SMG5: variants seen among roughly 807,000 people sequenced by gnomAD.
SMG5 encodes SMG5 nonsense mediated mRNA decay factor.
In SMG5, 53 loss-of-function variants were observed where a neutral mutation model predicts 122.9. That is an observed-to-expected ratio of 0.43 (90% confidence interval 0.35 to 0.54). SMG5 has a LOEUF of 0.54. Ranked by LOEUF, SMG5 falls within the 20% of genes least tolerant of loss-of-function variation. The probability of loss-of-function intolerance (pLI) is 0.01; values close to 1 mark genes in which losing one functional copy is unlikely to be tolerated. For missense variants in SMG5, 1,153 were observed against 1,285.6 expected, an observed-to-expected ratio of 0.90 and a Z score of 1.58; for synonymous variants, 477 against 490.2, an observed-to-expected ratio of 0.97 and a Z score of 0.35.
At chr1:156,252,874 C>T in intron 18 of SMG5, 45 bp downstream of exon 18, 1 of 1,478,892 alleles carries the variant, frequency 6.8e-7, no homozygotes, top group Middle Eastern at 1.8e-4. Context: ...AGCCCAGAAT[C>T]TCTTTTAGTC....
Position 156,278,668 on chromosome 1 carries a change from C to T in SMG5, c.173+268G>A, listed in dbSNP as rs142699308. Among the ~76,000 whole-genome samples the T allele has an allele frequency of 5.6e-3, 851 of 152,150 alleles. 11 individuals are homozygous for T. The highest frequency in any genetic ancestry group is 0.02 in the African/African-American group (816 of 41,508). ...AAACGTGAGCCACTGTGCCCTGCCT[C>T]GAATGCCATTCTTTTTATTTTATTT... On this transcript the variant is annotated intron_variant, in intron 2 of 21. Transcript: ENST00000361813.
At chr1:156,276,269 G>T (rs868769469) in intron 4 of SMG5, among the ~76,000 whole-genome samples, 1 of 151,294 alleles carries the variant, frequency 6.6e-6, no homozygotes, top group African/African-American at 2.4e-5. Context: ...TGGGATTATA[G>T]GTGCACGCCA....
intron 4 of SMG5, among the ~76,000 whole-genome samples, chr1:156,275,987 T>G (rs547778113): frequency 3.3e-5 from 5 of 149,518 alleles, no homozygotes; most frequent in Admixed American, 3.3e-4. Context: ...GTTAAATTAT[T>G]TTTTGTAGAG....
intron 3 of SMG5, 144 bp from the exon 4 acceptor site, chr1:156,277,385 T>G: frequency 1.1e-5 from 10 of 928,686 alleles, no homozygotes; most frequent in Non-Finnish European, 1.6e-5. Flanking sequence ...CTCTTAGCTC[T>G]AACTCTCTGA....
intron 1 of SMG5, among the ~76,000 whole-genome samples, chr1:156,281,744 T>G (rs996332254): frequency 5.9e-5 from 9 of 152,222 alleles, no homozygotes; most frequent in Non-Finnish European, 1.3e-4. Context: ...GTTTCCACGC[T>G]TCATCCTATT....
chr1:156,258,543 A>T (rs1661676955), intron 16 of SMG5, among the ~76,000 whole-genome samples: 1 of 152,138 alleles, frequency 6.6e-6, no homozygotes, highest in African/African-American at 2.4e-5. Flanking sequence ...CATGCCTGTA[A>T]TCCCAGTACT....
chr1:156,282,886 T>G, upstream of SMG5: 1 of 559,780 alleles, frequency 1.8e-6, no homozygotes, highest in Non-Finnish European at 3.1e-6. Context: ...ACCAGTGGCC[T>G]GCTGCTACCA....
At chr1:156,258,293 T>C (rs1661668241) in intron 16 of SMG5, among the ~76,000 whole-genome samples, 1 of 152,252 alleles carries the variant, frequency 6.6e-6, no homozygotes, top group African/African-American at 2.4e-5. Flanking sequence ...ACATGTGCCA[T>C]AAGACAATGT....
chr1:156,251,070 G>A (rs1308522437), intron 20 of SMG5, 74 bp from the exon 21 acceptor site: 2 of 1,565,276 alleles, frequency 1.3e-6, no homozygotes, highest in Non-Finnish European at 1.7e-6. Context: ...GGATCTCCAG[G>A]GGACAGGGGC....
chr1:156,257,387 G>T (rs1185455496), intron 16 of SMG5, among the ~76,000 whole-genome samples: 1 of 152,120 alleles, frequency 6.6e-6, no homozygotes, highest in South Asian at 2.1e-4. Flanking sequence ...TAAGCCCTTC[G>T]GGGTGGAAGC....
chr1:156,280,708 C>T (rs1662897562), intron 1 of SMG5, among the ~76,000 whole-genome samples: 1 of 152,166 alleles, frequency 6.6e-6, no homozygotes, highest in South Asian at 2.1e-4. Flanking sequence ...AACCACCACT[C>T]TAGGAAGTTC....
intron 6 of SMG5, 54 bp from the exon 7 acceptor site, chr1:156,272,452 G>T: frequency 6.8e-7 from 1 of 1,460,598 alleles, no homozygotes. Flanking sequence ...ATTCAAAGCT[G>T]CCAGGCCCAA....
chr1:156,268,118 C>G lies in SMG5; in HGVS notation c.905G>C (p.Ser302Thr). 2 of 1,614,158 alleles carry G rather than the reference C, an allele frequency of 1.2e-6. No homozygotes were observed. The highest frequency in any genetic ancestry group is 1.7e-6 in the Non-Finnish European group (2 of 1,179,998). The change falls in exon 9 of 22, where the codon AGC becomes ACC. Residue 302 changes from serine (S) to threonine (T), a missense_variant. By Grantham distance (58) the Ser-to-Thr change is moderately conservative. Transcript: ENST00000361813. ...MYLQSLLQPKSSSVDSELTSL... is the reference protein window; with the variant it reads ...MYLQSLLQPKTSSVDSELTSL... ...GTTCATGCTCTCTTCCACTCACCTG[C>G]TTTTGGGCTGTAGGAGGCTTTGCAG...
Position 156,282,645 on chromosome 1 carries a change from C to T in SMG5, c.36G>A (p.Glu12=), listed in dbSNP as rs776809714. ...SQGPPTGESS[E]PEAKVLHTKR... is the part of the protein sequence containing the mutation. ...TAGTGTGGAGGACTTTTGCTTCGGG[C>T]TCGCTGCTCTCCCCTGTGGGGGGGC... is the stretch of plus-strand genomic sequence containing the variant. Residue 12 remains glutamate, a synonymous_variant, in exon 1 of 22, where the codon GAG becomes GAA. Coordinates refer to ENST00000361813, the MANE Select transcript of SMG5 (RefSeq NM_015327.3). 10 of 1,608,072 alleles carry T rather than the reference C, an allele frequency of 6.2e-6. No individual in the cohort carries two copies. Among genetic ancestry groups the T allele is most frequent in the African/African-American group, 5.3e-5 (4 of 74,922 alleles).
chr1:156,263,656 G>A (rs1346194204), intron 12 of SMG5, 86 bp from the exon 13 acceptor site: 1 of 1,433,108 alleles, frequency 7.0e-7, no homozygotes, highest in Non-Finnish European at 9.5e-7. Flanking sequence ...CAGGGAGCAT[G>A]CTTCCACCTG....
chr1:156,273,229 G>T (rs1662513712), intron 6 of SMG5, 132 bp downstream of exon 6: 1 of 707,904 alleles, frequency 1.4e-6, no homozygotes, highest in Admixed American at 2.4e-5. Context: ...GTATAAACAA[G>T]GTGAAGTACG....
rs1221043935 is a variant in SMG5 at position 156,252,925 on chromosome 1, T to C, written c.2656A>G (p.Arg886Gly). 2 of 1,605,254 alleles carry C rather than the reference T, an allele frequency of 1.2e-6. No individual in the cohort carries two copies. Among genetic ancestry groups the C allele is most frequent in the Non-Finnish European group, 1.7e-6 (2 of 1,175,562 alleles). ...ACCTCTCCAATGTACTTACCTGTCC[T>C]TGGGATGATGACAATGAAGCGGCCA... ...TSGRFIVIIP[R>G]TVIDGLDLLK... The change falls in exon 18 of 22, where the codon AGG (arginine) becomes GGG (glycine). Residue 886 changes from arginine to glycine, a missense_variant. By Grantham distance (125) the Arg-to-Gly change is moderately radical. Transcript: ENST00000361813.
chr1:156,282,501 C>G, intron 1 of SMG5, 106 bp downstream of exon 1: 1 of 1,279,022 alleles, frequency 7.8e-7, no homozygotes, highest in Non-Finnish European at 1.1e-6. Context: ...TCCTTCCTCA[C>G]CCGCACCTCA....
At chr1:156,286,118 A>C, upstream of SMG5, 9 of 1,397,342 alleles carry the variant, frequency 6.4e-6, no homozygotes, top group South Asian at 1.3e-5. Flanking sequence ...GCCAGTCTGC[A>C]TGCCCATCTC....
Sources: gnomAD v4.1 joint callset for allele counts (sites outside exome capture counted in the v4.1 genomes callset) on GRCh38, gnomAD v4.1.1 for gene constraint, MANE v1.5 for transcripts, NCBI Gene and HGNC (gene_info 2026-07-23, HGNC 2026-07-21) for gene names.